Variants in TTLL11 observed in about 807,000 individuals in gnomAD.
The protein encoded by TTLL11 is tubulin polyglutamylase TTLL11.
TTLL11 carries 42 observed loss-of-function variants against 51.7 expected under a neutral mutation model. That is an observed-to-expected ratio of 0.81 (90% CI 0.64 to 1.05). The LOEUF (loss-of-function observed/expected upper bound fraction) is 1.05, where lower values mean the gene tolerates loss of function less well. Ranked by LOEUF, TTLL11 falls within the 50% of genes least tolerant of loss-of-function variation. TTLL11 has a pLI of 0.00. For missense variants in TTLL11, 799 were observed against 940.4 expected (o/e 0.85, Z 1.97); for synonymous variants, 381 against 383.5 (o/e 0.99, Z 0.08).
rs747040027 is a variant in TTLL11 at position 121,899,378 on chromosome 9, CATATATATATATATATAT to C, written c.1482-28648_1482-28631del. ...GTATGTGTGTGTGTATATATATATA[CATATATATATATATATAT>C]ATATATACACACACACACACATTTA... On this transcript the variant is annotated intron_variant, in intron 6 of 8. Transcript: ENST00000321582. 3.2e-3 allele frequency among the ~76,000 whole-genome samples: 411 copies of C among 130,444 alleles called. 3 individuals carry two copies. Among genetic ancestry groups the C allele is most frequent in the African/African-American group, 0.011 (394 of 34,320 alleles). The allele number at this position is 130,444 out of a possible 152,430, so 85.6% of individuals were successfully genotyped here. A position where few individuals can be genotyped will look rare whatever the true frequency, so the allele number is the denominator to read the frequency against.
At chr9:121,946,756 C>A (rs1267771007) in intron 6 of TTLL11, among the ~76,000 whole-genome samples, 1 of 152,076 alleles carries the variant, frequency 6.6e-6, no homozygotes, top group Non-Finnish European at 1.5e-5. Context: ...TTTTTTAAAA[C>A]CATGTTCAGG....
chr9:121,831,646 GC>G (rs745875603), intron 8 of TTLL11, among the ~76,000 whole-genome samples: 2 of 151,236 alleles, frequency 1.3e-5, no homozygotes, highest in Admixed American at 6.6e-5. Flanking sequence ...GTTGCAGTGA[GC>G]CGAGATTGTG....
At chr9:122,056,933 G>A (rs1319891247) in intron 1 of TTLL11, among the ~76,000 whole-genome samples, 1 of 152,218 alleles carries the variant, frequency 6.6e-6, no homozygotes, top group Non-Finnish European at 1.5e-5. Context: ...TGGAAATTCA[G>A]GAATGGGAGT....
chr9:122,009,674 G>GTA (rs34586061), intron 3 of TTLL11, among the ~76,000 whole-genome samples: 2,136 of 148,820 alleles, frequency 0.014, 17 homozygotes, highest in South Asian at 0.022. Flanking sequence ...AATGAATGTT[G>GTA]TATATATATA....
intron 8 of TTLL11, among the ~76,000 whole-genome samples, chr9:121,846,701 A>T (rs1201081151): frequency 6.6e-6 from 1 of 152,218 alleles, no homozygotes; most frequent in Non-Finnish European, 1.5e-5. Context: ...GTCCAAAAAA[A>T]TCTCAAAAGA....
chr9:122,017,805 T>G (rs1844032791), intron 3 of TTLL11, among the ~76,000 whole-genome samples: 1 of 152,126 alleles, frequency 6.6e-6, no homozygotes, highest in Non-Finnish European at 1.5e-5. Context: ...TATGCAGCAC[T>G]GGCATGGCGA....
intron 6 of TTLL11, among the ~76,000 whole-genome samples, chr9:121,917,340 C>T (rs1840362241): frequency 1.3e-5 from 2 of 151,776 alleles, no homozygotes; most frequent in Admixed American, 1.3e-4. Flanking sequence ...CCAGGCAGTG[C>T]ATACCTGTAT....
At chr9:122,036,587 T>G (rs936771932) in intron 2 of TTLL11, among the ~76,000 whole-genome samples, 2 of 152,074 alleles carry the variant, frequency 1.3e-5, no homozygotes, top group African/African-American at 4.8e-5. Flanking sequence ...CATAGAAAAG[T>G]GACTAAAATC....
chr9:122,089,797 AT>A (rs1215173695), intron 1 of TTLL11, among the ~76,000 whole-genome samples: 1 of 151,688 alleles, frequency 6.6e-6, no homozygotes, highest in Non-Finnish European at 1.5e-5. Context: ...AATTTTCAAT[AT>A]TTTTTTTAGA....
intron 8 of TTLL11, among the ~76,000 whole-genome samples, chr9:121,851,565 G>A (rs935892922): frequency 9.9e-5 from 15 of 152,192 alleles, no homozygotes; most frequent in African/African-American, 2.2e-4. Context: ...TGGTGTTGGC[G>A]TCAATCACCG....
intron 6 of TTLL11, among the ~76,000 whole-genome samples, chr9:121,906,144 T>G (rs2131488071): frequency 6.6e-6 from 1 of 152,316 alleles, no homozygotes; most frequent in South Asian, 2.1e-4. Context: ...CTGCAATCAC[T>G]TTCCTAATAA....
At position 121,953,408 on chromosome 9, in the gene TTLL11, G is replaced by A. The variant is rs1047470865; in HGVS notation, c.1481+20601C>T. On this transcript the variant is annotated intron_variant, in intron 6 of 8. Transcript: ENST00000321582. ...AGCACATTGGGTGGCTGAGGCGGGC[G>A]GATCACTTGAGGCCAGGAGTTCGAG... is the stretch of plus-strand genomic sequence containing the variant. Among the ~76,000 whole-genome samples, 6 of 151,936 alleles carry A rather than the reference G, an allele frequency of 3.9e-5. No homozygotes were observed. The East Asian group carries it at 5.8e-4, about 15-fold the overall frequency.
At chr9:121,830,428 A>G (rs1424337314) in intron 8 of TTLL11, among the ~76,000 whole-genome samples, 1 of 152,174 alleles carries the variant, frequency 6.6e-6, no homozygotes, top group Non-Finnish European at 1.5e-5. Flanking sequence ...TCCCCACTGC[A>G]CAGTCCAGTC....
At position 121,995,826 on chromosome 9, in the gene TTLL11, G is replaced by A. The variant is rs1421443549; in HGVS notation, c.694-6056C>T. Among the ~76,000 whole-genome samples the A allele has an allele frequency of 4.6e-5, 7 of 152,146 alleles. No homozygotes were observed. The highest frequency in any genetic ancestry group is 3.9e-4 in the East Asian group (2 of 5,184). On this transcript the variant is annotated intron_variant, in intron 3 of 8. Transcript: ENST00000321582. The surrounding 1 kb of genome is among the most constrained non-coding windows in gnomAD (Gnocchi z 4.4). ...TTGGAAAGAATAAGAGCTGCTGTCC[G>A]ACAGGGATGAGACTCAGACTCTAAA...
At chr9:122,010,540 C>T (rs1159466915) in intron 3 of TTLL11, among the ~76,000 whole-genome samples, 1 of 152,194 alleles carries the variant, frequency 6.6e-6, no homozygotes, top group Admixed American at 6.5e-5. Flanking sequence ...CTATGACCTA[C>T]AAAGCTGAAA....
chr9:121,993,068 C>T (rs1843158417), intron 3 of TTLL11, among the ~76,000 whole-genome samples: 1 of 152,042 alleles, frequency 6.6e-6, no homozygotes, highest in African/African-American at 2.4e-5. Flanking sequence ...ATATGAGGTA[C>T]CTAGAGCAGT....
intron 3 of TTLL11, among the ~76,000 whole-genome samples, chr9:122,020,254 G>A (rs1341480803): frequency 6.6e-6 from 1 of 152,144 alleles, no homozygotes; most frequent in Non-Finnish European, 1.5e-5. Flanking sequence ...GGTCTGCCAG[G>A]TAAACTCATT....
At chr9:121,880,858 G>A (rs1357549834) in intron 6 of TTLL11, among the ~76,000 whole-genome samples, 1 of 152,270 alleles carries the variant, frequency 6.6e-6, no homozygotes, top group East Asian at 1.9e-4. Flanking sequence ...GGAAGGTTAA[G>A]TCAATGGCCT....
chr9:121,851,559 G>A (rs1837664112), intron 8 of TTLL11, among the ~76,000 whole-genome samples: 1 of 152,230 alleles, frequency 6.6e-6, no homozygotes, highest in South Asian at 2.1e-4. Context: ...TGTAGCTGGT[G>A]TTGGCGTCAA....
Sources: gnomAD v4.1 joint callset for allele counts (sites outside exome capture counted in the v4.1 genomes callset) on GRCh38, gnomAD v4.1.1 for gene constraint, Gnocchi (gnomAD v3.1) non-coding constraint, MANE v1.5 for transcripts, NCBI Gene and HGNC (gene_info 2026-07-23, HGNC 2026-07-21) for gene names.